The following STK3 variants were observed in gnomAD, a reference collection of about 807,000 sequenced individuals.
STK3 encodes serine/threonine kinase 3, also known as serine/threonine-protein kinase 3.
STK3 carries 41 observed loss-of-function variants against 58.0 expected under a neutral mutation model. The observed-to-expected ratio is 0.71, with a 90% CI of 0.55 to 0.92. STK3 has a LOEUF of 0.92. Ranked by LOEUF, STK3 falls within the 40% of genes least tolerant of loss-of-function variation. STK3 has a pLI of 0.00. For missense variants in STK3, 479 were observed against 602.7 expected, an observed-to-expected ratio of 0.79 and a Z score of 2.15; for synonymous variants, 170 against 191.0, an observed-to-expected ratio of 0.89 and a Z score of 0.91.
At chr8:98,665,127 T>C (rs1822241762) in intron 6 of STK3, among the ~76,000 whole-genome samples, 1 of 152,206 alleles carries the variant, frequency 6.6e-6, no homozygotes, top group Non-Finnish European at 1.5e-5. Flanking sequence ...CTACTGTGTG[T>C]CAAACACTAT....
intron 2 of STK3, among the ~76,000 whole-genome samples, chr8:98,768,830 A>G (rs548954974): frequency 1.3e-5 from 2 of 152,382 alleles, no homozygotes; most frequent in East Asian, 3.9e-4. Context: ...ATACAGTTGT[A>G]GCAGATGGAC....
chr8:98,878,895 CTT>C (rs67515050), downstream of STK3: 448 of 108,584 alleles, frequency 4.1e-3, 1 homozygote, highest in Admixed American at 5.9e-3. Flanking sequence ...TTTCTTTTTT[CTT>C]TTTTTTTTTT....
chr8:98,697,819 C>T (rs1395183016), intron 6 of STK3, among the ~76,000 whole-genome samples: 2 of 152,148 alleles, frequency 1.3e-5, no homozygotes, highest in Admixed American at 6.5e-5. Context: ...TGGTGCGGTG[C>T]TGAAAAGAAT....
chr8:98,565,264 A>G (rs551894022), intron 8 of STK3, among the ~76,000 whole-genome samples: 2 of 152,278 alleles, frequency 1.3e-5, no homozygotes, highest in South Asian at 4.1e-4. Context: ...AAAATCAAGC[A>G]TTGTTTTTTG....
chr8:98,479,363 T>G (rs1444137253), intron 10 of STK3, among the ~76,000 whole-genome samples: 3 of 151,688 alleles, frequency 2.0e-5, no homozygotes, highest in African/African-American at 7.3e-5. Context: ...AGTGGGTGCC[T>G]GTAATCCCAG....
At chr8:98,720,967 G>A (rs1827373868) in intron 4 of STK3, 4 of 419,154 alleles carry the variant, frequency 9.5e-6, no homozygotes, top group Non-Finnish European at 1.3e-5. Flanking sequence ...ATATCAGACA[G>A]AGTACCTGCC....
In STK3 at chr8:98,513,800, G is replaced by A. The variant is rs997424338; in HGVS notation, c.1317+12942C>T. ...GGCTCATATGAGAGAACCAGGACTG[G>A]GGAAGAAGCAAGGGCTGCTGGTCAA... On this transcript the variant is annotated intron_variant, in intron 10 of 10. Coordinates refer to ENST00000419617, the MANE Select transcript of STK3 (RefSeq NM_006281.4). 5.3e-5 allele frequency among the ~76,000 whole-genome samples: 8 copies of A among 152,114 alleles called. No homozygotes were observed. The South Asian group carries it at 1.2e-3, about 24-fold the overall frequency.
chr8:98,869,029 AGG>A (rs1837253814), intron 3 of STK3, among the ~76,000 whole-genome samples: 1 of 75,776 alleles, frequency 1.3e-5, no homozygotes, highest in African/African-American at 4.1e-5. Flanking sequence ...GAAAGAAGGA[AGG>A]AAGGAAGGAA....
In STK3 at chr8:98,547,962, C is replaced by A; in HGVS notation, c.1141+7G>T. The A allele has an allele frequency of 6.4e-7, 1 of 1,562,464 alleles. No homozygotes were observed. Among genetic ancestry groups the A allele is most frequent in the Non-Finnish European group, 8.7e-7 (1 of 1,155,436 alleles). On this transcript the variant is annotated splice_region_variant and intron_variant, in intron 9 of 10. Transcript: ENST00000419617. ...AAACTAATATTTAATGTAAAAAAGCCACATACTTTTCATAGTTCCATCTTC... is the reference window on the plus strand; with the variant it reads ...AAACTAATATTTAATGTAAAAAAGCAACATACTTTTCATAGTTCCATCTTC...
chr8:98,584,857 G>C (rs1814342191), intron 7 of STK3, among the ~76,000 whole-genome samples: 2 of 151,162 alleles, frequency 1.3e-5, no homozygotes, highest in South Asian at 4.2e-4. Flanking sequence ...CAGTGATGAT[G>C]AGCATTTTTT....
At chr8:98,716,205 A>C (rs1826999932) in intron 4 of STK3, among the ~76,000 whole-genome samples, 1 of 152,182 alleles carries the variant, frequency 6.6e-6, no homozygotes, top group Non-Finnish European at 1.5e-5. Flanking sequence ...TAATGGGTGC[A>C]GTACACTAAC....
chr8:98,479,548 C>T (rs1017977655), intron 10 of STK3, among the ~76,000 whole-genome samples: 1 of 141,712 alleles, frequency 7.1e-6, no homozygotes, highest in Non-Finnish European at 1.5e-5. Flanking sequence ...TTTGCTAGGT[C>T]AGAGAAAGTT....
At chr8:98,441,817 C>T (rs900644791) in intron 1 of STK3, among the ~76,000 whole-genome samples, 8 of 152,254 alleles carry the variant, frequency 5.3e-5, no homozygotes, top group Middle Eastern at 3.4e-3. Flanking sequence ...TATCTTTGTT[C>T]CCTTTTTGTT....
rs1190143845 is a variant in STK3, at chr8:98,648,890, CA to C, written c.685-52722del. 3.3e-3 allele frequency among the ~76,000 whole-genome samples: 407 copies of C among 122,776 alleles called. 1 individual carries two copies. Among genetic ancestry groups the C allele is most frequent in the East Asian group, 4.8e-3 (21 of 4,362 alleles). The allele number at this position is 122,776 out of a possible 152,430, so 80.5% of individuals were successfully genotyped here. On this transcript the variant is annotated intron_variant, in intron 6 of 10. Coordinates refer to ENST00000419617, the MANE Select transcript of STK3 (RefSeq NM_006281.4). ...TGGGTGACAGAGCAAGACTCCGTCT[CA>C]AAAAAAAAAAAAAAATTAGCCCGGG...
intron 1 of STK3, among the ~76,000 whole-genome samples, chr8:98,386,466 TG>T (rs1334137921): frequency 6.6e-6 from 1 of 152,078 alleles, no homozygotes; most frequent in Non-Finnish European, 1.5e-5. Context: ...CTATTAAAAG[TG>T]GGGAAAGGCA....
At chr8:98,777,176 A>G (rs1194461359) in intron 1 of STK3, among the ~76,000 whole-genome samples, 1 of 152,238 alleles carries the variant, frequency 6.6e-6, no homozygotes, top group Non-Finnish European at 1.5e-5. Context: ...TGGATATCAA[A>G]TAAGTTTTTA....
intron 1 of STK3, among the ~76,000 whole-genome samples, chr8:98,924,653 T>G (rs929644653): frequency 1.3e-5 from 2 of 152,124 alleles, no homozygotes; most frequent in African/African-American, 2.4e-5. Flanking sequence ...AGAATGACAA[T>G]CTTAAGTCAT....
intron 1 of STK3, among the ~76,000 whole-genome samples, chr8:98,387,507 G>C (rs776446416): frequency 1.3e-5 from 2 of 152,192 alleles, no homozygotes; most frequent in Admixed American, 1.3e-4. Context: ...CCAGCACTTC[G>C]GGAGACCAAG....
chr8:98,819,858 T>C (rs1283468052), intron 1 of STK3, among the ~76,000 whole-genome samples: 1 of 152,204 alleles, frequency 6.6e-6, no homozygotes, highest in Non-Finnish European at 1.5e-5. Flanking sequence ...CCTGCAATAA[T>C]ATCTTTGTGA....
Sources: gnomAD v4.1 joint callset for allele counts (sites outside exome capture counted in the v4.1 genomes callset) on GRCh38, gnomAD v4.1.1 for gene constraint, MANE v1.5 for transcripts, NCBI Gene and HGNC (gene_info 2026-07-23, HGNC 2026-07-21) for gene names.